The following FAM193A variants were observed in gnomAD, a reference collection of about 807,000 sequenced individuals.
The protein encoded by FAM193A is family with sequence similarity 193 member A.
In FAM193A, 22 loss-of-function variants were observed where a neutral mutation model predicts 126.5. That is an observed-to-expected ratio of 0.17 (90% CI 0.12 to 0.25). FAM193A has a LOEUF of 0.25. Among genes scored for constraint, FAM193A ranks in the 10% least tolerant of loss-of-function variants. The probability of loss-of-function intolerance (pLI) is 1.00; values close to 1 mark genes in which losing one functional copy is unlikely to be tolerated. For missense variants in FAM193A, 1,675 were observed against 1,672.8 expected (o/e 1.00, Z -0.02); for synonymous variants, 761 against 646.8 (o/e 1.18, Z -2.68).
intron 2 of FAM193A, among the ~76,000 whole-genome samples, chr4:2,616,591 T>G (rs1365023161): frequency 1.3e-5 from 2 of 151,362 alleles, no homozygotes; most frequent in African/African-American, 4.8e-5. Flanking sequence ...AGGGTCTCAC[T>G]CTGTTGCCCA....
At chr4:2,730,294 G>A (rs1721226104) in intron 20 of FAM193A, among the ~76,000 whole-genome samples, 1 of 152,188 alleles carries the variant, frequency 6.6e-6, no homozygotes, top group Admixed American at 6.5e-5. Context: ...ACCTGACACA[G>A]GAATCCTTTT....
chr4:2,610,647 C>T (rs1462042377), intron 2 of FAM193A, among the ~76,000 whole-genome samples: 1 of 152,168 alleles, frequency 6.6e-6, no homozygotes, highest in Non-Finnish European at 1.5e-5. Context: ...TATGGATAAA[C>T]CACAATTTGT....
rs746808640 is a variant in FAM193A, at chr4:2,626,396, G to C, written c.636-14G>C. The stretch of plus-strand genomic sequence containing the variant: ...ATTGTGGTGACTTTCTAACCTTCCT[G>C]TGTTGTCTCACAGAGAAATTTCGGC... On this transcript the variant is annotated splice_polypyrimidine_tract_variant and intron_variant, in intron 3 of 20. Transcript: ENST00000637812. The C allele has an allele frequency of 1.4e-6, 1 of 697,768 alleles. No homozygotes were observed. Among genetic ancestry groups the C allele is most frequent in the East Asian group, 2.7e-5 (1 of 37,094 alleles). 43.2% of individuals were successfully genotyped at this position (697,768 alleles called of 1,614,324 possible).
At chr4:2,686,619 A>G (rs1715770602) in intron 13 of FAM193A, among the ~76,000 whole-genome samples, 1 of 152,224 alleles carries the variant, frequency 6.6e-6, no homozygotes, top group Non-Finnish European at 1.5e-5. Context: ...CTGAACACAC[A>G]TGGGTGGTGG....
intron 1 of FAM193A, among the ~76,000 whole-genome samples, chr4:2,542,886 G>T (rs145826701): frequency 2.0e-5 from 3 of 152,158 alleles, no homozygotes; most frequent in Non-Finnish European, 4.4e-5. Context: ...CTTCATCGAG[G>T]TGGCTGCTGA....
chr4:2,667,199 A>G (rs1713216942), intron 12 of FAM193A, among the ~76,000 whole-genome samples: 2 of 152,226 alleles, frequency 1.3e-5, no homozygotes, highest in African/African-American at 4.8e-5. Flanking sequence ...GGCATTCTTC[A>G]AGTCTTCTGT....
At position 2,700,973 on chromosome 4, in the gene FAM193A, TATAGAG is replaced by T. The variant is rs1458642610; in HGVS notation, c.4372+431_4372+436del. 5.3e-5 allele frequency among the ~76,000 whole-genome samples: 8 copies of T among 150,730 alleles called. No homozygotes were observed. The East Asian group carries it at 5.8e-4, about 11-fold the overall frequency. On this transcript the variant is annotated intron_variant, in intron 19 of 20. Transcript: ENST00000637812. Reference sequence around the variant, plus strand: ...GAGAGACTCCATCTCAAAAAATACATATAGAGAGAGAGAGGATTTCTACCCCCTCCA... The same window carrying T: ...GAGAGACTCCATCTCAAAAAATACATAGAGAGAGGATTTCTACCCCCTCCA...
chr4:2,717,935 G>A (rs916937129), intron 20 of FAM193A, among the ~76,000 whole-genome samples: 2 of 152,092 alleles, frequency 1.3e-5, no homozygotes, highest in Non-Finnish European at 2.9e-5. Context: ...GATTACAGGT[G>A]TGAACCACCA....
chr4:2,535,511 C>T (rs1736829600), upstream of FAM193A, among the ~76,000 whole-genome samples: 1 of 152,188 alleles, frequency 6.6e-6, no homozygotes, highest in Non-Finnish European at 1.5e-5. Context: ...AAATCATGTC[C>T]TTTGTGCCTC....
intron 1 of FAM193A, among the ~76,000 whole-genome samples, chr4:2,554,083 TTTTA>T (rs1211912693): frequency 2.0e-5 from 3 of 152,140 alleles, no homozygotes; most frequent in East Asian, 3.8e-4. Context: ...TATCTCTCCC[TTTTA>T]TTTATTTATT....
chr4:2,694,567 A>G (rs1354492933), intron 16 of FAM193A, among the ~76,000 whole-genome samples: 1 of 152,094 alleles, frequency 6.6e-6, no homozygotes, highest in African/African-American at 2.4e-5. Flanking sequence ...GCACCTGGCC[A>G]GACTTTCTTT....
At chr4:2,712,757 T>C (rs1183990784) in intron 19 of FAM193A, among the ~76,000 whole-genome samples, 2 of 152,142 alleles carry the variant, frequency 1.3e-5, no homozygotes, top group East Asian at 3.8e-4. Context: ...CTGTTTTGTT[T>C]TTTGGGTTTT....
intron 2 of FAM193A, among the ~76,000 whole-genome samples, chr4:2,617,255 TATATATA>T (rs1393040189): frequency 1.8e-5 from 1 of 56,206 alleles, no homozygotes; most frequent in African/African-American, 1.6e-4. Flanking sequence ...TATATATATA[TATATATA>T]TTTTTTTTTT....
At position 2,657,846 on chromosome 4, in the gene FAM193A, A is replaced by C; in HGVS notation, c.1355A>C (p.Glu452Ala). ...TKQRMLTEDW[E>A]LFKQRRFIEE... The stretch of plus-strand genomic sequence containing the variant: ...CAGCGCATGTTAACAGAAGACTGGG[A>C]GCTTTTTAAACAAAGAAGATTCATT... The change falls in exon 8 of 21, where the codon GAG becomes GCG. Residue 452 changes from glutamate (E) to alanine (A), a missense_variant. Glu to Ala is a moderately radical substitution (Grantham distance 107). Transcript: ENST00000637812. 6.2e-7 allele frequency: 1 copy of C among 1,612,996 alleles called. No individual in the cohort carries two copies. The highest frequency in any genetic ancestry group is 8.5e-7 in the Non-Finnish European group (1 of 1,179,448).
intron 6 of FAM193A, among the ~76,000 whole-genome samples, chr4:2,643,068 T>G (rs1364330288): frequency 6.6e-6 from 1 of 152,040 alleles, no homozygotes; most frequent in Non-Finnish European, 1.5e-5. Context: ...GTCTCACTTC[T>G]CACTTTTGGG....
chr4:2,569,959 A>C (rs1196679805), intron 1 of FAM193A, among the ~76,000 whole-genome samples: 1 of 152,096 alleles, frequency 6.6e-6, no homozygotes, highest in African/African-American at 2.4e-5. Context: ...GGGGACCATA[A>C]TTTGATTTCG....
chr4:2,645,054 G>A (rs1409814271), intron 6 of FAM193A, among the ~76,000 whole-genome samples: 1 of 151,968 alleles, frequency 6.6e-6, no homozygotes, highest in East Asian at 1.9e-4. Flanking sequence ...GTGTGTGTGT[G>A]TGTGTGTGAA....
intron 13 of FAM193A, among the ~76,000 whole-genome samples, chr4:2,677,923 A>G (rs1376041247): frequency 6.6e-6 from 1 of 152,160 alleles, no homozygotes; most frequent in South Asian, 2.1e-4. Flanking sequence ...ATTGTCTTCT[A>G]ATCAACAAAT....
At chr4:2,667,108 A>G (rs1047581408) in intron 12 of FAM193A, among the ~76,000 whole-genome samples, 39 of 152,198 alleles carry the variant, frequency 2.6e-4, no homozygotes, top group Admixed American at 1.6e-3. Flanking sequence ...ATCCTGTTCT[A>G]TGTGTACTTG....
Sources: allele counts gnomAD v4.1 joint callset (sites outside exome capture counted in the v4.1 genomes callset), GRCh38; gene constraint gnomAD v4.1.1; transcripts MANE v1.5; gene names NCBI Gene and HGNC (gene_info 2026-07-23, HGNC 2026-07-21).